The following DAPP1 variants were observed in gnomAD, a reference collection of about 807,000 sequenced individuals.
The protein encoded by DAPP1 is dual adaptor of phosphotyrosine and 3-phosphoinositides 1, also known as dual adapter for phosphotyrosine and 3-phosphotyrosine and 3-phosphoinositide.
DAPP1 carries 20 observed loss-of-function variants against 41.5 expected under a neutral mutation model. The ratio of observed to expected loss-of-function variants is 0.48; its 90% confidence interval spans 0.34 to 0.70. DAPP1 has a LOEUF of 0.70. Among genes scored for constraint, DAPP1 ranks in the 30% least tolerant of loss-of-function variants. The pLI, the probability that DAPP1 is intolerant of heterozygous loss-of-function variation, is 0.01. For synonymous variants in DAPP1, 113 were observed against 116.2 expected, an observed-to-expected ratio of 0.97 and a Z score of 0.18; for missense variants, 233 against 333.4, an observed-to-expected ratio of 0.70 and a Z score of 2.35.
chr4:99,824,905 C>T (rs1722888079), intron 1 of DAPP1, among the ~76,000 whole-genome samples: 1 of 152,090 alleles, frequency 6.6e-6, no homozygotes, highest in Non-Finnish European at 1.5e-5. Context: ...TGAAGGCTTC[C>T]CTGGGGACCG....
At chr4:99,861,397 T>C (rs1724231781) in intron 4 of DAPP1, among the ~76,000 whole-genome samples, 181 bp from the exon 5 acceptor site, 1 of 152,210 alleles carries the variant, frequency 6.6e-6, no homozygotes, top group South Asian at 2.1e-4. Flanking sequence ...TGCCAGTAGA[T>C]CCAGTCTGAA....
chr4:99,852,974 C>T (rs1180004372), intron 3 of DAPP1, among the ~76,000 whole-genome samples: 5 of 152,280 alleles, frequency 3.3e-5, no homozygotes, highest in Non-Finnish European at 5.9e-5. Flanking sequence ...TTCATTTAAA[C>T]GACCATATCT....
chr4:99,817,114 T>G, intron 1 of DAPP1, 100 bp downstream of exon 1: 1 of 796,866 alleles, frequency 1.3e-6, no homozygotes, highest in Non-Finnish European at 2.0e-6. Flanking sequence ...AGTGCCTTGT[T>G]GCCCTCTGCC....
At position 99,816,966 on chromosome 4, in the gene DAPP1, A is replaced by T; in HGVS notation, c.53A>T (p.Asp18Val). 6.2e-7 allele frequency: 1 copy of T among 1,608,834 alleles called. No individual in the cohort carries two copies. The change falls in exon 1 of 9, where the codon GAT (aspartate) becomes GTT (valine). Residue 18 changes from aspartate (D) to valine (V), a missense_variant. Transcript: ENST00000512369. ...EGKMSTQDPSDLWSRSDGEAE... is the reference protein window; with the variant it reads ...EGKMSTQDPSVLWSRSDGEAE... ...AAGATGAGCACCCAGGATCCCTCAGATCTGTGGAGCAGATCCGATGGAGAG... is the reference window on the plus strand; with the variant it reads ...AAGATGAGCACCCAGGATCCCTCAGTTCTGTGGAGCAGATCCGATGGAGAG...
intron 3 of DAPP1, among the ~76,000 whole-genome samples, chr4:99,848,168 T>G (rs1560700333): frequency 6.6e-6 from 1 of 151,580 alleles, no homozygotes; most frequent in Non-Finnish European, 1.5e-5. Flanking sequence ...TGGGTTTTTT[T>G]GGTCTTGTTT....
Position 99,868,112 on chromosome 4 carries a change from T to C in DAPP1, c.775-5T>C, listed in dbSNP as rs751219826. The C allele has an allele frequency of 1.2e-6, 2 of 1,613,404 alleles. No individual in the cohort carries two copies. The highest frequency in any genetic ancestry group is 1.3e-5 in the African/African-American group (1 of 75,016). On this transcript the variant is annotated splice_region_variant and splice_polypyrimidine_tract_variant and intron_variant, in intron 8 of 8. Coordinates refer to ENST00000512369, the MANE Select transcript of DAPP1 (RefSeq NM_014395.3). ...ATGGATACACGTGTGTGTACTTTAT[T>C]ACAGTCACAAATAAGAAAACAGCTC... is the stretch of plus-strand genomic sequence containing the variant.
intron 1 of DAPP1, 70 bp from the exon 2 acceptor site, chr4:99,835,553 G>A: frequency 6.4e-7 from 1 of 1,571,718 alleles, no homozygotes; most frequent in Non-Finnish European, 8.6e-7. Context: ...ATCTTTGCAA[G>A]GAAAAGCCAG....
intron 3 of DAPP1, chr4:99,844,774 C>A (rs548684920): frequency 6.6e-6 from 1 of 152,280 alleles, no homozygotes; most frequent in Admixed American, 6.5e-5. Flanking sequence ...AATGTCAAAT[C>A]TCCATTTCTC....
rs1246105434 is a variant in DAPP1, at chr4:99,856,886, G to GAGGAACCCTGAGCCTT, written c.489+3539_489+3554dup. ...ATCCACAATGGGTTGCCCTACAGGAGAGGAACCCTGAGCCTTGGGAACCCA... is the reference window on the plus strand; with the variant it reads ...ATCCACAATGGGTTGCCCTACAGGAGAGGAACCCTGAGCCTTAGGAACCCTGAGCCTTGGGAACCCA... On this transcript the variant is annotated intron_variant, in intron 4 of 8. Transcript: ENST00000512369. Among the ~76,000 whole-genome samples, 3 of 152,256 alleles carry GAGGAACCCTGAGCCTT rather than the reference G, an allele frequency of 2.0e-5. No individual in the cohort carries two copies. In the South Asian group the frequency reaches 6.2e-4, roughly 31 times the overall value.
chr4:99,838,309 A>T (rs1243144343), intron 2 of DAPP1, among the ~76,000 whole-genome samples: 3 of 152,202 alleles, frequency 2.0e-5, no homozygotes, highest in African/African-American at 7.2e-5. Context: ...TGACCAGCAG[A>T]GGTGACAAAA....
At position 99,848,519 on chromosome 4, in the gene DAPP1, G is replaced by A. The variant is rs558248314; in HGVS notation, c.359-4699G>A. On this transcript the variant is annotated intron_variant, in intron 3 of 8. Coordinates refer to ENST00000512369, the MANE Select transcript of DAPP1 (RefSeq NM_014395.3). ...GCTGGGATTACAGGCATGGGCCACC[G>A]CGCCCTGCCCAGGAGCAGAATTTTT... Among the ~76,000 whole-genome samples, 11 of 152,238 alleles carry A rather than the reference G, an allele frequency of 7.2e-5. No homozygotes were observed. The South Asian group carries it at 2.1e-3, about 29-fold the overall frequency.
chr4:99,839,171 T>C (rs932022100), intron 2 of DAPP1, among the ~76,000 whole-genome samples: 1 of 149,806 alleles, frequency 6.7e-6, no homozygotes, highest in Non-Finnish European at 1.5e-5. Flanking sequence ...GGCCCCACCT[T>C]GGATCTACCG....
chr4:99,853,073 G>T, intron 3 of DAPP1, 145 bp from the exon 4 acceptor site: 1 of 885,060 alleles, frequency 1.1e-6, no homozygotes, highest in Non-Finnish European at 1.7e-6. Flanking sequence ...ATACCTAATT[G>T]GTATTTGATA....
chr4:99,816,878 G>C lies in DAPP1; in HGVS notation c.-36G>C, dbSNP rs715239. 1 of 1,562,900 alleles carries C rather than the reference G, an allele frequency of 6.4e-7. No homozygotes were observed. The highest frequency in any genetic ancestry group is 1.2e-5 in the South Asian group (1 of 85,338). The stretch of plus-strand genomic sequence containing the variant: ...GCGAGAAGGTGTCAGGAGCAGCCCA[G>C]TTGTGTCTCTCTCTCTACCTCTGTG... On this transcript the variant is annotated 5_prime_UTR_variant, in exon 1 of 9. Coordinates refer to ENST00000512369, the MANE Select transcript of DAPP1 (RefSeq NM_014395.3).
chr4:99,834,855 G>C (rs1723240889), intron 1 of DAPP1, among the ~76,000 whole-genome samples: 1 of 152,124 alleles, frequency 6.6e-6, no homozygotes, highest in Non-Finnish European at 1.5e-5. Flanking sequence ...CCTTCCGAGG[G>C]CCGTGAGGGA....
chr4:99,836,748 A>G (rs1314725453), intron 2 of DAPP1, among the ~76,000 whole-genome samples: 2 of 152,130 alleles, frequency 1.3e-5, no homozygotes, highest in African/African-American at 2.4e-5. Flanking sequence ...TTCATTTTCT[A>G]TGCTACATAA....
intron 1 of DAPP1, among the ~76,000 whole-genome samples, chr4:99,834,700 A>G (rs1283297157): frequency 6.6e-6 from 1 of 152,210 alleles, no homozygotes; most frequent in Non-Finnish European, 1.5e-5. Context: ...TTAAAAACCA[A>G]TTCTGATTAC....
chr4:99,819,511 G>C (rs1310784162), intron 1 of DAPP1, among the ~76,000 whole-genome samples: 3 of 152,144 alleles, frequency 2.0e-5, no homozygotes, highest in Non-Finnish European at 4.4e-5. Context: ...ACAATGACTT[G>C]TTGCCTCTGC....
intron 4 of DAPP1, among the ~76,000 whole-genome samples, chr4:99,860,856 T>C (rs1213229108): frequency 6.6e-6 from 1 of 152,234 alleles, no homozygotes; most frequent in African/African-American, 2.4e-5. Flanking sequence ...CTACTTGTCT[T>C]ATGCAAATTT....
Sources: gnomAD v4.1 joint callset for allele counts (sites outside exome capture counted in the v4.1 genomes callset) on GRCh38, gnomAD v4.1.1 for gene constraint, MANE v1.5 for transcripts, NCBI Gene and HGNC (gene_info 2026-07-23, HGNC 2026-07-21) for gene names.